Variants in DNAI1 observed in about 807,000 individuals in gnomAD.
DNAI1 encodes dynein axonemal intermediate chain 1, also known as dynein, axonemal, intermediate polypeptide 1.
DNAI1 carries 67 observed loss-of-function variants against 92.0 expected under a neutral mutation model. The ratio of observed to expected loss-of-function variants is 0.73; its 90% CI spans 0.60 to 0.89. The LOEUF is 0.89. DNAI1 is among the 40% of genes least tolerant of loss of function. DNAI1 has a pLI of 0.00. For synonymous variants in DNAI1, 323 were observed against 319.6 expected, an observed-to-expected ratio of 1.01 and a Z score of -0.11; for missense variants, 839 against 866.6, an observed-to-expected ratio of 0.97 and a Z score of 0.40.
intron 1 of DNAI1, among the ~76,000 whole-genome samples, chr9:34,461,546 C>A (rs1347492782): frequency 6.6e-6 from 1 of 152,128 alleles, no homozygotes; most frequent in Non-Finnish European, 1.5e-5. Context: ...GCAGTTTGAA[C>A]AAGCTTGGGG....
chr9:34,514,350 C>T (rs1039174826), intron 16 of DNAI1, 44 bp from the exon 17 acceptor site: 7 of 1,608,504 alleles, frequency 4.4e-6, no homozygotes, highest in East Asian at 2.2e-5. Flanking sequence ...GTGGTGGCTG[C>T]TGACCTTTCT....
At position 34,506,731 on chromosome 9, in the gene DNAI1, G is replaced by A. The variant is rs753894107; in HGVS notation, c.1168G>A (p.Asp390Asn). 6.2e-6 allele frequency: 10 copies of A among 1,614,166 alleles called. No individual in the cohort carries two copies. Among genetic ancestry groups the A allele is most frequent in the African/African-American group, 1.3e-5 (1 of 75,038 alleles). The change falls in exon 13 of 20, where the codon GAC becomes AAC. Residue 390 changes from aspartate (D) to asparagine (N), a missense_variant. Transcript: ENST00000242317. ...FSSNSGVMCL[D>N]IHVDHPYLVA... ...CAGCAACAGCGGCGTCATGTGTCTC[G>A]ACATCCACGTGGACCACCCCTACCT... is the stretch of plus-strand genomic sequence containing the variant.
chr9:34,505,941 TGAAA>T (rs886188726), intron 12 of DNAI1, among the ~76,000 whole-genome samples: 2 of 151,910 alleles, frequency 1.3e-5, no homozygotes, highest in African/African-American at 2.4e-5. Context: ...ACACAGAAAA[TGAAA>T]GAAAGAGTGG....
rs766941804 is a variant in DNAI1, at chr9:34,500,815, G to A, written c.995G>A (p.Arg332His). Residue 332 changes from arginine to histidine, a missense_variant, in exon 11 of 20, where the codon CGC (arginine) becomes CAC (histidine). Coordinates refer to ENST00000242317, the MANE Select transcript of DNAI1 (RefSeq NM_012144.4). ...LWKFQNDKAK[R>H]LSVTALCWNP... ...AAGTTCCAAAATGACAAAGCCAAGC[G>A]CCTGTCCGTCACTGCCCTCTGCTGG... 12 of 1,613,980 alleles carry A rather than the reference G, an allele frequency of 7.4e-6. No homozygotes were observed. Among genetic ancestry groups the A allele is most frequent in the Admixed American group, 1.7e-5 (1 of 59,998 alleles).
Position 34,466,451 on chromosome 9 carries a change from T to G in DNAI1, c.48+7398T>G, listed in dbSNP as rs928665120. Among the ~76,000 whole-genome samples, 6 of 152,368 alleles carry G rather than the reference T, an allele frequency of 3.9e-5. No individual in the cohort carries two copies. In the East Asian group the frequency reaches 7.7e-4, roughly 20 times the overall value. ...TTGGAGAGTCATCTGCTTCTGTGCC[T>G]CTGTGTCTTTGTTAATTATTTTGTT... On this transcript the variant is annotated intron_variant, in intron 1 of 19. Coordinates refer to ENST00000242317, the MANE Select transcript of DNAI1 (RefSeq NM_012144.4).
intron 9 of DNAI1, among the ~76,000 whole-genome samples, chr9:34,495,956 G>C (rs1824713945): frequency 6.6e-6 from 1 of 152,146 alleles, no homozygotes; most frequent in Admixed American, 6.5e-5. Flanking sequence ...GTCTCTTTCA[G>C]GCGTGGCAAA....
intron 13 of DNAI1, among the ~76,000 whole-genome samples, chr9:34,507,739 G>T (rs1218611408): frequency 6.6e-6 from 1 of 152,220 alleles, no homozygotes; most frequent in Non-Finnish European, 1.5e-5. Flanking sequence ...TCCCAGGAAG[G>T]GGTGGCTGCT....
At chr9:34,512,901 A>G (rs866889483) in intron 15 of DNAI1, among the ~76,000 whole-genome samples, 3 of 152,346 alleles carry the variant, frequency 2.0e-5, no homozygotes, top group Non-Finnish European at 4.4e-5. Context: ...GGCCGTTTGC[A>G]GAATCCTAAC....
chr9:34,470,316 T>C (rs1824113873), intron 1 of DNAI1, among the ~76,000 whole-genome samples: 1 of 152,186 alleles, frequency 6.6e-6, no homozygotes, highest in South Asian at 2.1e-4. Flanking sequence ...AGGCAGAGTT[T>C]ATCAGGCTAG....
intron 16 of DNAI1, among the ~76,000 whole-genome samples, chr9:34,513,451 G>T (rs1825112681): frequency 6.6e-6 from 1 of 152,150 alleles, no homozygotes; most frequent in Admixed American, 6.5e-5. Context: ...TCCCTTCCTG[G>T]GAGTTGAGGT....
intron 1 of DNAI1, among the ~76,000 whole-genome samples, chr9:34,466,329 G>T (rs548699719): frequency 7.9e-5 from 12 of 152,220 alleles, no homozygotes; most frequent in Admixed American, 7.2e-4. Flanking sequence ...ACATCCATTT[G>T]CTCATTTACT....
chr9:34,462,148 C>A (rs1431933775), intron 1 of DNAI1, among the ~76,000 whole-genome samples: 1 of 152,158 alleles, frequency 6.6e-6, no homozygotes, highest in African/African-American at 2.4e-5. Context: ...CTTGGTATGG[C>A]CTTTGCCACC....
chr9:34,517,621 A>G (rs537928528), intron 19 of DNAI1, among the ~76,000 whole-genome samples, 154 bp downstream of exon 19: 7 of 152,360 alleles, frequency 4.6e-5, no homozygotes, highest in African/African-American at 1.7e-4. Context: ...TCACAGTAGA[A>G]GCAGGTTTGT....
At chr9:34,461,768 A>C (rs1823955744) in intron 1 of DNAI1, among the ~76,000 whole-genome samples, 1 of 152,144 alleles carries the variant, frequency 6.6e-6, no homozygotes, top group South Asian at 2.1e-4. Flanking sequence ...TGTATTTACC[A>C]TTTTCTTGCC....
At chr9:34,489,163 C>T in intron 4 of DNAI1, 160 bp from the exon 5 acceptor site, 1 of 775,914 alleles carries the variant, frequency 1.3e-6, no homozygotes, top group Non-Finnish European at 2.2e-6. Flanking sequence ...CTTCTTTAAA[C>T]TGAAATGCAG....
chr9:34,511,361 T>C (rs79330512), intron 13 of DNAI1, among the ~76,000 whole-genome samples: 2 of 152,162 alleles, frequency 1.3e-5, no homozygotes, highest in African/African-American at 2.4e-5. Context: ...TGATTTGCAG[T>C]TGGAGAAATG....
chr9:34,477,369 T>C, intron 1 of DNAI1, among the ~76,000 whole-genome samples: 1 of 152,222 alleles, frequency 6.6e-6, no homozygotes, highest in Non-Finnish European at 1.5e-5. Context: ...TTGATGTCTC[T>C]ATACCTCAGT....
chr9:34,468,660 C>G (rs1473580881), intron 1 of DNAI1, among the ~76,000 whole-genome samples: 1 of 151,808 alleles, frequency 6.6e-6, no homozygotes, highest in African/African-American at 2.4e-5. Context: ...AACCTCGTCT[C>G]TACAAAAAAT....
Position 34,490,473 on chromosome 9 carries a change from C to T in DNAI1, c.606C>T (p.Tyr202=), listed in dbSNP as rs1824565965. ...TCAGTGAGAGGGCCTCACAGACCTA[C>T]AACAACCCTGTCCGGGTAGAGCAGC... ...FNFSERASQT[Y]NNPVRDRECQ... Residue 202 remains tyrosine (Y), a synonymous_variant, in exon 7 of 20, where the codon TAC becomes TAT. Coordinates refer to ENST00000242317, the MANE Select transcript of DNAI1 (RefSeq NM_012144.4). 6.2e-7 allele frequency: 1 copy of T among 1,614,190 alleles called. No homozygotes were observed. Among genetic ancestry groups the T allele is most frequent in the Non-Finnish European group, 8.5e-7 (1 of 1,180,050 alleles).
Sources: allele counts gnomAD v4.1 joint callset (sites outside exome capture counted in the v4.1 genomes callset), GRCh38; gene constraint gnomAD v4.1.1; transcripts MANE v1.5; gene names NCBI Gene and HGNC (gene_info 2026-07-23, HGNC 2026-07-21).